SLC25A22: variants seen among roughly 807,000 people sequenced by gnomAD.
SLC25A22 encodes mitochondrial glutamate carrier 1.
Under a neutral mutation model 33.7 loss-of-function variants are expected in SLC25A22, and 23 were observed. The observed-to-expected ratio is 0.68, with a 90% CI of 0.49 to 0.97. The LOEUF (loss-of-function observed/expected upper bound fraction) is 0.97, where lower values mean the gene tolerates loss of function less well. SLC25A22 is among the 50% of genes least tolerant of loss of function. The pLI is 0.00. For missense variants in SLC25A22, 390 were observed against 451.1 expected, an observed-to-expected ratio of 0.86 and a Z score of 1.23; for synonymous variants, 245 against 203.8, an observed-to-expected ratio of 1.20 and a Z score of -1.72.
At chr11:797,895 T>C (rs1455205417) in intron 1 of SLC25A22, 2 of 398,320 alleles carry the variant, frequency 5.0e-6, no homozygotes, top group East Asian at 3.6e-5. Context: ...CACGCACGTG[T>C]CCACAGATGT....
At chr11:797,601 G>C in intron 1 of SLC25A22, 1 of 398,618 alleles carries the variant, frequency 2.5e-6, no homozygotes, top group Non-Finnish European at 4.4e-6. Flanking sequence ...AAGCCGCCAG[G>C]CTCCTCCTAC....
Position 795,119 on chromosome 11 carries a change from G to A in SLC25A22, c.-113C>T. 1.5e-6 allele frequency: 2 copies of A among 1,305,438 alleles called. No homozygotes were observed. Among genetic ancestry groups the A allele is most frequent in the South Asian group, 1.3e-5 (1 of 79,332 alleles). 80.9% of individuals were successfully genotyped at this position (1,305,438 alleles called of 1,614,324 possible). A position where few individuals can be genotyped will look rare whatever the true frequency, so the allele number is the denominator to read the frequency against. ...GGGTGGGACCCAGGGGGGTTGGGTGGTGCTCCACCTTCAGGGGAATTTCCA... is the reference window on the plus strand; with the variant it reads ...GGGTGGGACCCAGGGGGGTTGGGTGATGCTCCACCTTCAGGGGAATTTCCA... On this transcript the variant is annotated 5_prime_UTR_variant, in exon 2 of 10. Transcript: ENST00000628067.
rs748169209 is a variant in SLC25A22 at position 791,727 on chromosome 11, C to T, written c.*188G>A. The T allele has an allele frequency of 8.2e-5, 57 of 694,626 alleles. No homozygotes were observed. The highest frequency in any genetic ancestry group is 4.0e-4 in the Middle Eastern group (1 of 2,480). 43.0% of individuals were successfully genotyped at this position (694,626 alleles called of 1,614,324 possible). On this transcript the variant is annotated 3_prime_UTR_variant, in exon 10 of 10. Coordinates refer to ENST00000628067, the MANE Select transcript of SLC25A22 (RefSeq NM_001191061.2). ...TACATAAATGAGACATTGATCCCAA[C>T]GGTGCAGGCAGCACCCCGGGGGGCT...
intron 1 of SLC25A22, among the ~76,000 whole-genome samples, chr11:797,295 G>T (rs1489047926): frequency 6.6e-6 from 1 of 152,186 alleles, no homozygotes; most frequent in Non-Finnish European, 1.5e-5. Flanking sequence ...TCTGCCTGGG[G>T]AAGAACCGGC....
chr11:794,557 G>A (rs775597343), intron 3 of SLC25A22, 44 bp from the exon 4 acceptor site: 2 of 1,604,122 alleles, frequency 1.2e-6, no homozygotes, highest in Non-Finnish European at 1.7e-6. Context: ...GCTGGGGCCA[G>A]CCGGAGGCCA....
chr11:794,359 G>A (rs1484024792), intron 4 of SLC25A22, 99 bp downstream of exon 4: 2 of 1,395,520 alleles, frequency 1.4e-6, no homozygotes, highest in African/African-American at 2.9e-5. Context: ...ACCAGGCCCA[G>A]GCTGGCCGCC....
intron 1 of SLC25A22, chr11:795,373 CCT>C (rs201085612): frequency 0.19 from 39,259 of 208,202 alleles, 201 homozygotes; most frequent in Non-Finnish European, 0.22. Context: ...TCAGTCCCCC[CCT>C]CCCCACCGCC....
In SLC25A22 at chr11:795,060, GGGTGGA is replaced by G. The variant is rs145401722; in HGVS notation, c.-60_-55del. On this transcript the variant is annotated 5_prime_UTR_variant, in exon 2 of 10. Coordinates refer to ENST00000628067, the MANE Select transcript of SLC25A22 (RefSeq NM_001191061.2). ...GCAGAGGTGGACGCCAGGCCAGGCGGGGTGGAGGTGGAGGTGGAGGAGGCCTTGAGG... is the reference window on the plus strand; with the variant it reads ...GCAGAGGTGGACGCCAGGCCAGGCGGGGTGGAGGTGGAGGAGGCCTTGAGG... The G allele has an allele frequency of 3.0e-5, 47 of 1,549,482 alleles. No homozygotes were observed. The highest frequency in any genetic ancestry group is 6.9e-5 in the African/African-American group (5 of 72,936).
rs1179019209 is a variant in SLC25A22, at chr11:795,043, G to A, written c.-37C>T. On this transcript the variant is annotated 5_prime_UTR_variant, in exon 2 of 10. Coordinates refer to ENST00000628067, the MANE Select transcript of SLC25A22 (RefSeq NM_001191061.2). ...GCACCCAGGTAGGAGCCGCAGAGGTGGACGCCAGGCCAGGCGGGGTGGAGG... is the reference window on the plus strand; with the variant it reads ...GCACCCAGGTAGGAGCCGCAGAGGTAGACGCCAGGCCAGGCGGGGTGGAGG... 1.5e-5 allele frequency: 24 copies of A among 1,551,666 alleles called. No individual in the cohort carries two copies. The highest frequency in any genetic ancestry group is 2.0e-5 in the Non-Finnish European group (23 of 1,148,002).
chr11:794,625 C>T (rs1280855324), intron 3 of SLC25A22, 112 bp from the exon 4 acceptor site: 13 of 1,527,508 alleles, frequency 8.5e-6, no homozygotes, highest in Non-Finnish European at 1.1e-5. Flanking sequence ...CCAGCCCCGA[C>T]CCCAGTCCTG....
rs780956185 is a variant in SLC25A22, at chr11:791,902, G to C, written c.*13C>G. On this transcript the variant is annotated 3_prime_UTR_variant, in exon 10 of 10. Coordinates refer to ENST00000628067, the MANE Select transcript of SLC25A22 (RefSeq NM_001191061.2). ...GCCCTGCCCAGCTGGCTGGGGTGGAGCGGGTGCTGGGCTCAGGCCTGGGGG... is the reference window on the plus strand; with the variant it reads ...GCCCTGCCCAGCTGGCTGGGGTGGACCGGGTGCTGGGCTCAGGCCTGGGGG... 7 of 1,585,404 alleles carry C rather than the reference G, an allele frequency of 4.4e-6. No individual in the cohort carries two copies. The highest frequency in any genetic ancestry group is 4.5e-5 in the East Asian group (2 of 44,124).
chr11:794,115 C>T (rs556551828), intron 4 of SLC25A22: 36 of 589,840 alleles, frequency 6.1e-5, no homozygotes, highest in Non-Finnish European at 7.3e-5. Flanking sequence ...AGCTGCTTTG[C>T]GGTAATGCCC....
chr11:791,968 A>G lies in SLC25A22; in HGVS notation c.919T>C (p.Phe307Leu), dbSNP rs2133697266. The G allele has an allele frequency of 1.9e-6, 3 of 1,608,428 alleles. No individual in the cohort carries two copies. The highest frequency in any genetic ancestry group is 4.5e-5 in the East Asian group (2 of 44,852). ...PLFGIAQVVY[F>L]LGIAESLLGL... ...AGCAGGGACTCCGCGATGCCCAGGA[A>G]GTAGACCACCTGTGCGATGCCGAAA... The change falls in exon 10 of 10, where the codon TTC (phenylalanine) becomes CTC (leucine). Residue 307 changes from phenylalanine (F) to leucine (L), a missense_variant. Transcript: ENST00000628067.
At chr11:794,730 C>T (rs1251776775) in intron 3 of SLC25A22, 46 bp downstream of exon 3, 2 of 1,584,076 alleles carry the variant, frequency 1.3e-6, no homozygotes, top group Non-Finnish European at 1.7e-6. Context: ...ACCTCTCCTG[C>T]TGCCACATGC....
chr11:797,765 G>A (rs1020913027), intron 1 of SLC25A22: 14 of 398,578 alleles, frequency 3.5e-5, no homozygotes, highest in African/African-American at 2.5e-4. Flanking sequence ...CTCGGCCAGA[G>A]GACAAAGGAG....
chr11:794,725 T>C, intron 3 of SLC25A22, 51 bp downstream of exon 3: 1 of 1,581,752 alleles, frequency 6.3e-7, no homozygotes, highest in Non-Finnish European at 8.6e-7. Flanking sequence ...CCCCCACCTC[T>C]CCTGCTGCCA....
At position 791,354 on chromosome 11, in the gene SLC25A22, G is replaced by A. The variant is rs1366904566; in HGVS notation, c.*561C>T. The A allele has an allele frequency of 5.9e-6, 1 of 168,400 alleles. No individual in the cohort carries two copies. Among genetic ancestry groups the A allele is most frequent in the Non-Finnish European group, 1.3e-5 (1 of 78,094 alleles). 10.4% of individuals were successfully genotyped at this position (168,400 alleles called of 1,614,324 possible). On this transcript the variant is annotated 3_prime_UTR_variant, in exon 10 of 10. Coordinates refer to ENST00000628067, the MANE Select transcript of SLC25A22 (RefSeq NM_001191061.2). ...AGACCTCAGGGCAACCCCTCACTTG[G>A]GATTCCTGGCTCAACAGAGAGGGCA... is the stretch of plus-strand genomic sequence containing the variant.
intron 4 of SLC25A22, 64 bp from the exon 5 acceptor site, chr11:793,683 A>G: frequency 1.7e-6 from 2 of 1,162,188 alleles, no homozygotes; most frequent in South Asian, 1.2e-5. Flanking sequence ...GCGCTTGGCC[A>G]GGACTTGCCT....
intron 5 of SLC25A22, 129 bp from the exon 6 acceptor site, chr11:793,117 C>G: frequency 1.2e-6 from 1 of 846,514 alleles, no homozygotes; most frequent in South Asian, 1.4e-5. Context: ...TGTGGGGGTA[C>G]AGCCCCCAGC....
Sources: gnomAD v4.1 joint callset for allele counts (sites outside exome capture counted in the v4.1 genomes callset) on GRCh38, gnomAD v4.1.1 for gene constraint, MANE v1.5 for transcripts, NCBI Gene and HGNC (gene_info 2026-07-23, HGNC 2026-07-21) for gene names.